GRID2: variants seen among roughly 807,000 people sequenced by gnomAD.
GRID2 encodes glutamate receptor ionotropic, delta-2.
In GRID2, 33 loss-of-function variants were observed where a neutral mutation model predicts 114.8. The observed-to-expected ratio is 0.29, with a 90% CI of 0.22 to 0.38. The LOEUF is 0.38. GRID2 is among the 10% of genes least tolerant of loss of function. The pLI, the probability that GRID2 is intolerant of heterozygous loss-of-function variation, is 1.00. For missense variants in GRID2, 1,184 were observed against 1,257.7 expected (o/e 0.94, Z 0.89); for synonymous variants, 505 against 449.9 (o/e 1.12, Z -1.55).
chr4:93,663,455 A>T (rs1277791370), intron 14 of GRID2, among the ~76,000 whole-genome samples: 1 of 152,178 alleles, frequency 6.6e-6, no homozygotes, highest in East Asian at 1.9e-4. Context: ...AAGCAGAGCC[A>T]GTTTCCCCAC....
At chr4:92,735,534 T>G (rs1736550543) in intron 2 of GRID2, among the ~76,000 whole-genome samples, 1 of 152,164 alleles carries the variant, frequency 6.6e-6, no homozygotes, top group South Asian at 2.1e-4. Context: ...CTACTGTGTT[T>G]ATTGTCTTAC....
chr4:92,578,741 T>A (rs1020341526), intron 1 of GRID2, among the ~76,000 whole-genome samples: 3 of 151,698 alleles, frequency 2.0e-5, no homozygotes. Context: ...TCAATCTATC[T>A]ATCTATCTAT....
intron 1 of GRID2, among the ~76,000 whole-genome samples, chr4:92,344,994 G>T (rs193060330): frequency 1.6e-4 from 24 of 152,286 alleles, no homozygotes; most frequent in African/African-American, 5.3e-4. Flanking sequence ...CACCCAAGTA[G>T]TGTACACTGT....
intron 2 of GRID2, among the ~76,000 whole-genome samples, chr4:92,759,617 CT>C (rs975411781): frequency 4.0e-5 from 6 of 151,672 alleles, no homozygotes; most frequent in African/African-American, 1.5e-4. Flanking sequence ...CTTTTTTATT[CT>C]TTTCAGATGG....
At chr4:93,304,689 C>A in intron 8 of GRID2, among the ~76,000 whole-genome samples, 1 of 151,394 alleles carries the variant, frequency 6.6e-6, no homozygotes, top group Non-Finnish European at 1.5e-5. Flanking sequence ...AATAGGACAC[C>A]AGTAGAAAAA....
intron 12 of GRID2, among the ~76,000 whole-genome samples, chr4:93,500,597 T>A (rs781116163): frequency 1.3e-5 from 2 of 152,020 alleles, no homozygotes; most frequent in Non-Finnish European, 2.9e-5. Flanking sequence ...TTTGCCCTGC[T>A]GCTTAATCCT....
intron 13 of GRID2, among the ~76,000 whole-genome samples, chr4:93,609,784 T>G (rs1740732282): frequency 3.8e-4 from 1 of 2,604 alleles, no homozygotes. Context: ...TAGGATTGAC[T>G]TGGCAATGCG....
chr4:92,388,942 G>A (rs764729367), intron 1 of GRID2, among the ~76,000 whole-genome samples: 4 of 151,966 alleles, frequency 2.6e-5, no homozygotes, highest in East Asian at 3.9e-4. Flanking sequence ...ATTATATACC[G>A]CATTCTCTTT....
rs192872701 is a variant in GRID2, at chr4:92,740,809, C to T, written c.244+150523C>T. On this transcript the variant is annotated intron_variant, in intron 2 of 15. Coordinates refer to ENST00000282020, the MANE Select transcript of GRID2 (RefSeq NM_001510.4). ...TCACCCTGGCTAGAGTGCAGTGGAG[C>T]GATCCCGGCTCACTGCAACCTCCGC... Among the ~76,000 whole-genome samples, 112 of 152,158 alleles carry T rather than the reference C, an allele frequency of 7.4e-4. 1 individual carries two copies. Among genetic ancestry groups the T allele is most frequent in the Middle Eastern group, 3.4e-3 (1 of 294 alleles).
At position 93,106,081 on chromosome 4, in the gene GRID2, T is replaced by C. The variant is rs118152634; in HGVS notation, c.530-4667T>C. ...CAATTAATGAGCCTTCCACCACCTG[T>C]TGTTATGTAATTATCTGGTCAGTAG... is the stretch of plus-strand genomic sequence containing the variant. On this transcript the variant is annotated intron_variant, in intron 3 of 15. Transcript: ENST00000282020. Among the ~76,000 whole-genome samples the C allele has an allele frequency of 4.3e-3, 657 of 152,298 alleles. 20 individuals carry two copies. In the East Asian group the frequency reaches 0.062, roughly 14 times the overall value.
intron 14 of GRID2, among the ~76,000 whole-genome samples, chr4:93,732,034 G>A (rs1014395343): frequency 2.6e-5 from 4 of 152,152 alleles, no homozygotes; most frequent in Admixed American, 1.3e-4. Flanking sequence ...AGGACAGACC[G>A]TGGTTCCTCT....
At chr4:92,535,875 G>C (rs1725596875) in intron 1 of GRID2, among the ~76,000 whole-genome samples, 2 of 152,098 alleles carry the variant, frequency 1.3e-5, no homozygotes, top group South Asian at 4.1e-4. Flanking sequence ...GCAGACCTCT[G>C]TGGTGAGCGT....
intron 1 of GRID2, among the ~76,000 whole-genome samples, chr4:93,790,550 A>AT (rs5860348): frequency 0.73 from 107,988 of 147,974 alleles, 39,580 homozygotes; most frequent in East Asian, 0.97. Flanking sequence ...TTTAACTATA[A>AT]TTTTTTTTTT....
chr4:92,343,291 CATGCTTAGTACTATTATTAT>C (rs1330857826), intron 1 of GRID2, among the ~76,000 whole-genome samples: 1 of 151,050 alleles, frequency 6.6e-6, no homozygotes, highest in Non-Finnish European at 1.5e-5. Flanking sequence ...TAATTATACA[CATGCTTAGTACTATTATTAT>C]ATATGTAATA....
At chr4:92,898,464 A>T (rs902713093) in intron 2 of GRID2, among the ~76,000 whole-genome samples, 3 of 152,094 alleles carry the variant, frequency 2.0e-5, no homozygotes, top group African/African-American at 7.2e-5. Flanking sequence ...GCTACCAAAC[A>T]TATACTGTAT....
chr4:93,800,461 G>A (rs1487665558), intron 1 of GRID2, among the ~76,000 whole-genome samples: 3 of 152,258 alleles, frequency 2.0e-5, no homozygotes, highest in African/African-American at 7.2e-5. Flanking sequence ...AAACAAACAG[G>A]ATTAGTTTAT....
At chr4:93,490,199 A>T (rs751467149) in intron 11 of GRID2, among the ~76,000 whole-genome samples, 17 of 151,360 alleles carry the variant, frequency 1.1e-4, no homozygotes, top group Non-Finnish European at 2.2e-4. Context: ...GATCATTAAC[A>T]AGCTATGTTT....
intron 1 of GRID2, among the ~76,000 whole-genome samples, chr4:92,474,045 C>T (rs1722175292): frequency 6.6e-6 from 1 of 150,654 alleles, no homozygotes; most frequent in Admixed American, 6.7e-5. Flanking sequence ...AAGGTCTATT[C>T]TCTTAGCAAA....
At chr4:93,725,776 G>A (rs1419761646) in intron 14 of GRID2, among the ~76,000 whole-genome samples, 1 of 152,072 alleles carries the variant, frequency 6.6e-6, no homozygotes, top group African/African-American at 2.4e-5. Context: ...CTGCATAAAT[G>A]TCTTCTTTTG....
Sources: allele counts gnomAD v4.1 joint callset (sites outside exome capture counted in the v4.1 genomes callset), GRCh38; gene constraint gnomAD v4.1.1; transcripts MANE v1.5; gene names NCBI Gene and HGNC (gene_info 2026-07-23, HGNC 2026-07-21).